TNFRSF21: variants seen among roughly 807,000 people sequenced by gnomAD.
TNFRSF21 encodes TNF receptor superfamily member 21, also known as tumor necrosis factor receptor superfamily member 21.
Under a neutral mutation model 45.6 loss-of-function variants are expected in TNFRSF21, and 19 were observed. The observed-to-expected ratio is 0.42, with a 90% confidence interval of 0.29 to 0.61. The LOEUF (loss-of-function observed/expected upper bound fraction) is 0.61. Among genes scored for constraint, TNFRSF21 ranks in the 20% least tolerant of loss-of-function variants. The pLI is 0.23. For missense variants in TNFRSF21, 737 were observed against 851.5 expected, an observed-to-expected ratio of 0.87 and a Z score of 1.67; for synonymous variants, 314 against 335.5, an observed-to-expected ratio of 0.94 and a Z score of 0.70.
chr6:47,309,771 C>T lies in TNFRSF21; in HGVS notation c.-260G>A. 2.5e-6 allele frequency: 1 copy of T among 406,768 alleles called. No homozygotes were observed. 25.2% of individuals were successfully genotyped at this position (406,768 alleles called of 1,614,324 possible). On this transcript the variant is annotated 5_prime_UTR_variant, in exon 1 of 6. Transcript: ENST00000296861. ...ACTGCAGCCCGCGTCTCCGGGTGCT[C>T]TCCTCCGACAGCGGCTGAGGAGAAC...
At chr6:47,271,130 A>C (rs1455233248) in intron 3 of TNFRSF21, among the ~76,000 whole-genome samples, 2 of 152,236 alleles carry the variant, frequency 1.3e-5, no homozygotes, top group African/African-American at 4.8e-5. Flanking sequence ...CAACCTACCA[A>C]GGCAGGCCAA....
At chr6:47,258,211 A>C (rs531074088) in intron 3 of TNFRSF21, among the ~76,000 whole-genome samples, 1 of 151,940 alleles carries the variant, frequency 6.6e-6, no homozygotes, top group Non-Finnish European at 1.5e-5. Context: ...TCTACTAAAA[A>C]TACAAAAAAT....
intron 3 of TNFRSF21, among the ~76,000 whole-genome samples, chr6:47,263,376 T>G (rs539154132): frequency 2.4e-4 from 37 of 152,122 alleles, no homozygotes; most frequent in Middle Eastern, 3.2e-3. Flanking sequence ...GGCTGGAATA[T>G]GCACTTGGGA....
chr6:47,293,834 T>C (rs952471715), intron 1 of TNFRSF21, among the ~76,000 whole-genome samples: 2 of 152,162 alleles, frequency 1.3e-5, no homozygotes, highest in African/African-American at 4.8e-5. Flanking sequence ...TCTCCACTAA[T>C]AAAAACAGGT....
chr6:47,301,224 C>T (rs1412701340), intron 1 of TNFRSF21, among the ~76,000 whole-genome samples: 1 of 152,184 alleles, frequency 6.6e-6, no homozygotes, highest in African/African-American at 2.4e-5. Context: ...CAAGATCCTT[C>T]TGAAACTCAT....
chr6:47,301,645 T>C (rs1762865505), intron 1 of TNFRSF21, among the ~76,000 whole-genome samples: 2 of 152,274 alleles, frequency 1.3e-5, no homozygotes, highest in South Asian at 4.2e-4. Flanking sequence ...CTACCAGAGC[T>C]GGTTGCTTAA....
rs1404632377 is a variant in TNFRSF21 at position 47,294,545 on chromosome 6, G to A, written c.97-7950C>T. The stretch of plus-strand genomic sequence containing the variant: ...TCTGGCCTTATACCCTTCAGTACAA[G>A]GGCAGATACTTCATTTCATCTCCAA... On this transcript the variant is annotated intron_variant, in intron 1 of 5. Coordinates refer to ENST00000296861, the MANE Select transcript of TNFRSF21 (RefSeq NM_014452.5). Among the ~76,000 whole-genome samples the A allele has an allele frequency of 3.3e-5, 5 of 152,164 alleles. No homozygotes were observed. In the East Asian group the frequency reaches 7.7e-4, roughly 23 times the overall value.
At chr6:47,284,693 T>G (rs1006926872) in intron 2 of TNFRSF21, among the ~76,000 whole-genome samples, 1 of 152,242 alleles carries the variant, frequency 6.6e-6, no homozygotes, top group Non-Finnish European at 1.5e-5. Context: ...ACAGCTGAGC[T>G]TGACAGCAGC....
At chr6:47,233,130 T>A (rs1350827118) in intron 5 of TNFRSF21, 136 bp from the exon 6 acceptor site, 3 of 717,708 alleles carry the variant, frequency 4.2e-6, no homozygotes, top group Admixed American at 2.8e-5. Context: ...TCCATTACAG[T>A]GAGAGAGTGA....
chr6:47,266,592 T>C (rs1457770501), intron 3 of TNFRSF21, among the ~76,000 whole-genome samples: 2 of 152,188 alleles, frequency 1.3e-5, no homozygotes, highest in Admixed American at 6.5e-5. Flanking sequence ...AAGAACAGTC[T>C]TTACATTCAA....
intron 1 of TNFRSF21, among the ~76,000 whole-genome samples, chr6:47,287,330 AAAAAG>A (rs1762665529): frequency 6.7e-6 from 1 of 150,104 alleles, no homozygotes; most frequent in Admixed American, 6.6e-5. Flanking sequence ...AAAAAAAAAA[AAAAAG>A]AAAAGAAAAA....
intron 3 of TNFRSF21, among the ~76,000 whole-genome samples, chr6:47,257,275 T>C (rs1298403875): frequency 1.3e-5 from 2 of 151,984 alleles, no homozygotes; most frequent in Non-Finnish European, 2.9e-5. Context: ...TTCCCTAAAC[T>C]AAAATGGACT....
intron 3 of TNFRSF21, among the ~76,000 whole-genome samples, chr6:47,273,655 T>C (rs1439808951): frequency 6.6e-6 from 1 of 152,218 alleles, no homozygotes; most frequent in African/African-American, 2.4e-5. Context: ...TTGGAAGTTC[T>C]GGCCAGGGCA....
intron 1 of TNFRSF21, among the ~76,000 whole-genome samples, chr6:47,304,209 A>T (rs1175383266): frequency 6.6e-6 from 1 of 152,156 alleles, no homozygotes; most frequent in African/African-American, 2.4e-5. Flanking sequence ...AATAAGCACA[A>T]GGAAAAGTCA....
At chr6:47,257,459 C>T (rs144971326) in intron 3 of TNFRSF21, among the ~76,000 whole-genome samples, 1 of 152,254 alleles carries the variant, frequency 6.6e-6, no homozygotes, top group Non-Finnish European at 1.5e-5. Context: ...TCAATGACTC[C>T]CTCAGGGGAT....
At chr6:47,248,490 G>GA (rs546880168) in intron 4 of TNFRSF21, among the ~76,000 whole-genome samples, 39 of 150,046 alleles carry the variant, frequency 2.6e-4, no homozygotes, top group Middle Eastern at 3.4e-3. Flanking sequence ...AGGGGGGAGT[G>GA]AAAAAAAAAC....
chr6:47,233,769 CAA>C (rs1764620180), intron 5 of TNFRSF21, among the ~76,000 whole-genome samples: 2 of 151,420 alleles, frequency 1.3e-5, no homozygotes, highest in Non-Finnish European at 1.5e-5. Flanking sequence ...CGTAAAATAT[CAA>C]ATATAACCCT....
chr6:47,289,208 T>C (rs1381208071), intron 1 of TNFRSF21, among the ~76,000 whole-genome samples: 1 of 152,220 alleles, frequency 6.6e-6, no homozygotes, highest in Non-Finnish European at 1.5e-5. Context: ...TCCTTCTAAA[T>C]TGGCTGCTAT....
chr6:47,286,809 G>A (rs528655939), intron 1 of TNFRSF21, among the ~76,000 whole-genome samples: 2 of 152,276 alleles, frequency 1.3e-5, no homozygotes, highest in African/African-American at 2.4e-5. Flanking sequence ...TACTGGCTGT[G>A]ATGCTTTGGT....
Sources: allele counts gnomAD v4.1 joint callset (sites outside exome capture counted in the v4.1 genomes callset), GRCh38; gene constraint gnomAD v4.1.1; transcripts MANE v1.5; gene names NCBI Gene and HGNC (gene_info 2026-07-23, HGNC 2026-07-21).